FGD1: variants seen among roughly 807,000 people sequenced by gnomAD.
The protein encoded by FGD1 is FYVE, RhoGEF and PH domain-containing protein 1.
A neutral mutation model predicts 65.0 loss-of-function variants in FGD1; 12 were observed. The observed-to-expected ratio is 0.18, with a 90% CI of 0.12 to 0.30. FGD1 has a LOEUF of 0.30. Ranked by LOEUF, FGD1 falls within the 10% of genes least tolerant of loss-of-function variation. The pLI, the probability that FGD1 is intolerant of heterozygous loss-of-function variation, is 1.00. For synonymous variants in FGD1, 333 were observed against 343.9 expected, an observed-to-expected ratio of 0.97 and a Z score of 0.35; for missense variants, 542 against 837.6, an observed-to-expected ratio of 0.65 and a Z score of 4.36.
chrX:54,457,677 A>T (rs749528359), intron 8 of FGD1, among the ~76,000 whole-genome samples: 1 of 111,820 alleles, frequency 8.9e-6, no homozygotes, highest in South Asian at 3.8e-4. Context: ...TACATGTCTA[A>T]AAAACACCAG....
intron 1 of FGD1, among the ~76,000 whole-genome samples, chrX:54,494,046 G>A (rs1247803892): frequency 1.8e-5 from 2 of 112,670 alleles, no homozygotes; most frequent in Non-Finnish European, 3.8e-5. Context: ...GATGGGGAAG[G>A]TCCTGCTGTG....
intron 1 of FGD1, among the ~76,000 whole-genome samples, chrX:54,484,357 G>C (rs900117169): frequency 2.7e-5 from 3 of 110,536 alleles, no homozygotes; most frequent in Non-Finnish European, 3.8e-5. Context: ...GCTCCACGAG[G>C]ACAGGGATAG....
At chrX:54,447,700 G>A (rs374477044) in intron 16 of FGD1, among the ~76,000 whole-genome samples, 1 of 112,447 alleles carries the variant, frequency 8.9e-6, no homozygotes, top group Non-Finnish European at 1.9e-5. Flanking sequence ...AGGAGTGTGC[G>A]GATCTCAGGC....
chrX:54,482,236 G>GCGCGCA (rs796491256), intron 1 of FGD1, among the ~76,000 whole-genome samples: 43 of 99,388 alleles, frequency 4.3e-4, no homozygotes, highest in African/African-American at 1.6e-3. Context: ...GCACACGCGC[G>GCGCGCA]CACACACACA....
At chrX:54,465,416 G>T (rs1445220806) in intron 8 of FGD1, 35 bp downstream of exon 8, 1 of 1,190,059 alleles carries the variant, frequency 8.4e-7, no homozygotes, top group Non-Finnish European at 1.1e-6. Flanking sequence ...TATTAGTGTG[G>T]AGAAGTAGGA....
chrX:54,447,202 T>C, intron 17 of FGD1, 109 bp downstream of exon 17: 1 of 874,817 alleles, frequency 1.1e-6, no homozygotes, highest in East Asian at 3.2e-5. Context: ...AGAGATAGGC[T>C]CACCTTATCT....
chrX:54,451,576 T>C (rs1375913178), intron 12 of FGD1, among the ~76,000 whole-genome samples: 1 of 106,096 alleles, frequency 9.4e-6, no homozygotes, highest in Non-Finnish European at 1.9e-5. Flanking sequence ...TGAGCTACCG[T>C]GCCTGGCCTA....
In FGD1 at chrX:54,482,236, G is replaced by GCGCACACACACACACACACA. The variant is rs796491256; in HGVS notation, c.308-10750_308-10749insTGTGTGTGTGTGTGTGTGCG. Among the ~76,000 whole-genome samples, 172 of 99,382 alleles carry GCGCACACACACACACACACA rather than the reference G, an allele frequency of 1.7e-3. 1 individual carries two copies. The highest frequency in any genetic ancestry group is 6.3e-3 in the African/African-American group (164 of 25,991). 86.3% of individuals were successfully genotyped at this position (99,382 alleles called of 115,157 possible). ...CAGGCACATGCGCGCGCACACGCGCGCACACACACACACACACACACACAC... is the reference window on the plus strand; with the variant it reads ...CAGGCACATGCGCGCGCACACGCGCGCGCACACACACACACACACACACACACACACACACACACACACAC... On this transcript the variant is annotated intron_variant, in intron 1 of 17. Transcript: ENST00000375135.
intron 8 of FGD1, among the ~76,000 whole-genome samples, chrX:54,464,380 G>A (rs993268911): frequency 9.0e-6 from 1 of 111,030 alleles, no homozygotes; most frequent in African/African-American, 3.3e-5. Context: ...GCGATCCCCC[G>A]GCCTGGCCTC....
intron 1 of FGD1, among the ~76,000 whole-genome samples, chrX:54,491,878 G>A (rs1206519977): frequency 9.1e-6 from 1 of 110,328 alleles, no homozygotes; most frequent in East Asian, 2.9e-4. Flanking sequence ...GGATCCAAAT[G>A]AGAAAGAGTC....
intron 12 of FGD1, 135 bp from the exon 13 acceptor site, chrX:54,450,436 C>A: frequency 1.7e-6 from 1 of 574,902 alleles, no homozygotes; most frequent in Non-Finnish European, 3.0e-6. Context: ...CTTATATGAC[C>A]TTGGGCAAGT....
rs1922742786 is a variant in FGD1, at chrX:54,465,689, C to A, written c.1497+7G>T. 1.7e-6 allele frequency: 2 copies of A among 1,209,159 alleles called. No individual in the cohort carries two copies. Among genetic ancestry groups the A allele is most frequent in the Admixed American group, 2.2e-5 (1 of 45,604 alleles). On this transcript the variant is annotated splice_region_variant and intron_variant, in intron 7 of 17. Coordinates refer to ENST00000375135, the MANE Select transcript of FGD1 (RefSeq NM_004463.3). Reference sequence around the variant, plus strand: ...CCAAGTCTGCTCCTTCCAGCTTGACCACTTACCTGCACCTCATGGATGATG... The same window carrying A: ...CCAAGTCTGCTCCTTCCAGCTTGACAACTTACCTGCACCTCATGGATGATG...
At chrX:54,455,810 A>G (rs1212063408) in intron 10 of FGD1, 26 bp from the exon 11 acceptor site, 2 of 1,107,217 alleles carry the variant, frequency 1.8e-6, no homozygotes, top group Admixed American at 2.6e-5. Flanking sequence ...TTTGGGATGT[A>G]TGTGCAGAGG....
Position 54,456,378 on chromosome X carries a change from CAG to C in FGD1, c.1696-14_1696-13del. The C allele has an allele frequency of 8.3e-7, 1 of 1,211,855 alleles. No homozygotes were observed. The highest frequency in any genetic ancestry group is 1.1e-6 in the Non-Finnish European group (1 of 895,564). ...TTATGCATTCGCTCCTGGCAAAAGA[CAG>C]GGAACAAAAGGCACGGTTGGGGTGC... On this transcript the variant is annotated splice_polypyrimidine_tract_variant and intron_variant, in intron 9 of 17. Coordinates refer to ENST00000375135, the MANE Select transcript of FGD1 (RefSeq NM_004463.3).
chrX:54,466,875 G>A (rs1198713522), intron 6 of FGD1, among the ~76,000 whole-genome samples: 2 of 108,111 alleles, frequency 1.8e-5, no homozygotes, highest in African/African-American at 3.4e-5. Context: ...TCAGCCTCCC[G>A]AGTAGCTGGG....
intron 17 of FGD1, 105 bp from the exon 18 acceptor site, chrX:54,446,519 A>G: frequency 1.3e-6 from 1 of 753,891 alleles, no homozygotes; most frequent in Non-Finnish European, 1.9e-6. Flanking sequence ...TCCCCTACTC[A>G]GGAACTCCCC....
chrX:54,457,361 G>A (rs1922526517), intron 8 of FGD1, among the ~76,000 whole-genome samples: 1 of 111,560 alleles, frequency 9.0e-6, no homozygotes, highest in African/African-American at 3.3e-5. Context: ...ATCTATTCTA[G>A]GAAAATACAC....
At chrX:54,446,970 T>A (rs1275149650) in intron 17 of FGD1, among the ~76,000 whole-genome samples, 1 of 110,986 alleles carries the variant, frequency 9.0e-6, no homozygotes, top group Admixed American at 9.6e-5. Context: ...GTGAGCCACC[T>A]GCCTCGGCCT....
rs375527081 is a variant in FGD1 at position 54,449,626 on chromosome X, C to A, written c.2148+33G>T. 3.1e-5 allele frequency: 30 copies of A among 980,039 alleles called. No homozygotes were observed. The African/African-American group carries it at 5.3e-4, about 17-fold the overall frequency. The allele number at this position is 980,039 out of a possible 1,213,427, so 80.8% of individuals were successfully genotyped here. A position where few individuals can be genotyped will look rare whatever the true frequency, so the allele number is the denominator to read the frequency against. On this transcript the variant is annotated intron_variant, in intron 14 of 17. Transcript: ENST00000375135. ...GGCATTTGGAAGTCTGGAAGGGGTC[C>A]CAGTGCAGGGGAAAGAGGGCGGGGA...
Sources: allele counts gnomAD v4.1 joint callset (sites outside exome capture counted in the v4.1 genomes callset), GRCh38; gene constraint gnomAD v4.1.1; transcripts MANE v1.5; gene names NCBI Gene and HGNC (gene_info 2026-07-23, HGNC 2026-07-21).